PCDH11Y: variants seen among roughly 807,000 people sequenced by gnomAD.
PCDH11Y encodes the protein protocadherin-11 Y-linked.
For synonymous variants in PCDH11Y, 9 were observed against 83.6 expected (o/e 0.11, Z 4.87); for missense variants, 12 against 224.8 (o/e 0.05, Z 6.05).
At chrY:5,578,244 AT>A (rs2053448047) in intron 3 of PCDH11Y, among the ~76,000 whole-genome samples, 16 of 34,055 alleles carry the variant, frequency 4.7e-4, no homozygotes, top group Admixed American at 3.8e-3. Flanking sequence ...GGTGATTTGA[AT>A]TATACATCAA....
intron 2 of PCDH11Y, among the ~76,000 whole-genome samples, chrY:5,360,445 C>T: frequency 3.2e-5 from 1 of 31,080 alleles, no homozygotes; most frequent in East Asian, 8.5e-4. Flanking sequence ...TGAAGAAAAT[C>T]TGAGCTGCCA....
chrY:5,347,027 T>C (rs2053153119), intron 2 of PCDH11Y, among the ~76,000 whole-genome samples: 1 of 33,311 alleles, frequency 3.0e-5, no homozygotes, highest in Admixed American at 2.8e-4. Context: ...TTATGAAACT[T>C]ACTAGAAATT....
At chrY:5,408,597 G>A in intron 2 of PCDH11Y, among the ~76,000 whole-genome samples, 12 of 32,119 alleles carry the variant, frequency 3.7e-4, no homozygotes, top group Admixed American at 2.9e-3. Flanking sequence ...CCACCACCAC[G>A]CCCAGCTGAA....
At chrY:5,736,560 C>T (rs1602965618) in intron 4 of PCDH11Y, among the ~76,000 whole-genome samples, 2 of 31,141 alleles carry the variant, frequency 6.4e-5, no homozygotes, top group South Asian at 1.4e-3. Flanking sequence ...CTCTATTTCA[C>T]TAAAATTTGT....
intron 4 of PCDH11Y, among the ~76,000 whole-genome samples, chrY:5,646,660 T>TA (rs2053527484): frequency 2.7e-4 from 8 of 29,806 alleles, no homozygotes; most frequent in East Asian, 8.7e-4. Flanking sequence ...AATTAGAAAT[T>TA]AAAAAAAAAA....
chrY:5,033,146 G>A, intron 3 of PCDH11Y, among the ~76,000 whole-genome samples: 1 of 23,580 alleles, frequency 4.2e-5, no homozygotes, highest in Non-Finnish European at 9.5e-5. Context: ...AAAAATTCCA[G>A]AAGTGCCTAT....
intron 3 of PCDH11Y, among the ~76,000 whole-genome samples, chrY:5,523,041 G>T: frequency 6.0e-5 from 2 of 33,496 alleles, no homozygotes; most frequent in Non-Finnish European, 1.5e-4. Context: ...TGAAGATTTG[G>T]TTCTTAACTG....
intron 4 of PCDH11Y, among the ~76,000 whole-genome samples, chrY:5,672,192 C>T (rs2124708513): frequency 3.1e-5 from 1 of 31,840 alleles, no homozygotes; most frequent in East Asian, 8.3e-4. Context: ...ATACTCATCA[C>T]GGATATTGTC....
intron 2 of PCDH11Y, among the ~76,000 whole-genome samples, chrY:5,129,431 C>A (rs2052830149): frequency 8.2e-5 from 2 of 24,501 alleles, no homozygotes; most frequent in African/African-American, 1.7e-4. Context: ...TGATACACAC[C>A]ACCCTCAACA....
chrY:5,207,772 C>T, intron 2 of PCDH11Y: 1 of 217,847 alleles, frequency 4.6e-6, no homozygotes, highest in Admixed American at 7.8e-5. Flanking sequence ...AAGGATGAAT[C>T]GAAGGTCAGC....
chrY:5,578,473 C>T, intron 3 of PCDH11Y, among the ~76,000 whole-genome samples: 2 of 32,629 alleles, frequency 6.1e-5, no homozygotes, highest in African/African-American at 1.2e-4. Context: ...GCCTGTATCA[C>T]GGTTGCATAT....
chrY:5,301,847 G>A (rs2053082724), intron 2 of PCDH11Y, among the ~76,000 whole-genome samples: 2 of 30,080 alleles, frequency 6.6e-5, no homozygotes, highest in African/African-American at 1.3e-4. Flanking sequence ...CATGATACCC[G>A]GAAAGTAGTA....
intron 4 of PCDH11Y, among the ~76,000 whole-genome samples, chrY:5,652,808 G>T (rs2053532615): frequency 3.1e-5 from 1 of 32,340 alleles, no homozygotes; most frequent in Admixed American, 2.8e-4. Flanking sequence ...AGTGGTGAAA[G>T]AAAGACAATA....
chrY:5,525,496 CT>C (rs2053386706), intron 3 of PCDH11Y, among the ~76,000 whole-genome samples: 1 of 30,354 alleles, frequency 3.3e-5, no homozygotes. Context: ...CCTTTTTTGG[CT>C]GTCAGAAGGT....
chrY:5,334,987 G>T, intron 2 of PCDH11Y, among the ~76,000 whole-genome samples: 1 of 30,520 alleles, frequency 3.3e-5, no homozygotes, highest in Non-Finnish European at 7.9e-5. Context: ...TTTCTCCAAA[G>T]ATGATTTTGA....
chrY:5,202,037 A>T, intron 2 of PCDH11Y, among the ~76,000 whole-genome samples: 14 of 33,559 alleles, frequency 4.2e-4, no homozygotes, highest in Admixed American at 1.1e-3. Flanking sequence ...GAAGGGGCAA[A>T]GACTTCTCTC....
chrY:5,446,708 C>T, intron 2 of PCDH11Y, among the ~76,000 whole-genome samples: 5 of 33,518 alleles, frequency 1.5e-4, no homozygotes, highest in Non-Finnish European at 3.7e-4. Flanking sequence ...AAAATTAAAT[C>T]AGTAACAATT....
chrY:5,620,606 G>A (rs2053498417), intron 4 of PCDH11Y, among the ~76,000 whole-genome samples: 3 of 32,290 alleles, frequency 9.3e-5, no homozygotes, highest in Non-Finnish European at 1.5e-4. Flanking sequence ...ACAAAAGAAA[G>A]AATACTTTAG....
chrY:5,046,715 C>T (rs2052642002), intron 3 of PCDH11Y, among the ~76,000 whole-genome samples: 1 of 33,541 alleles, frequency 3.0e-5, no homozygotes, highest in Non-Finnish European at 7.5e-5. Context: ...CCCAGCCTCG[C>T]TGCCGCCTTG....
Sources: allele counts gnomAD v4.1 joint callset (sites outside exome capture counted in the v4.1 genomes callset), GRCh38; gene constraint gnomAD v4.1.1; transcripts MANE v1.5; gene names NCBI Gene and HGNC (gene_info 2026-07-23, HGNC 2026-07-21).